Variants in RAPGEF5 observed in about 807,000 individuals in gnomAD.
RAPGEF5 encodes the protein M-Ras-regulated GEF.
In RAPGEF5, 65 loss-of-function variants were observed where a neutral mutation model predicts 125.2. That is an observed-to-expected ratio of 0.52 (90% CI 0.43 to 0.64). The LOEUF (loss-of-function observed/expected upper bound fraction) is 0.64. Ranked by LOEUF, RAPGEF5 falls within the 30% of genes least tolerant of loss-of-function variation. The probability of loss-of-function intolerance (pLI) is 0.00; values close to 1 mark genes in which losing one functional copy is unlikely to be tolerated. For synonymous variants in RAPGEF5, 391 were observed against 385.9 expected (o/e 1.01, Z -0.16); for missense variants, 958 against 1,048.1 (o/e 0.91, Z 1.19).
intron 4 of RAPGEF5, among the ~76,000 whole-genome samples, chr7:22,309,294 A>G (rs747357305): frequency 4.6e-5 from 7 of 152,196 alleles, no homozygotes; most frequent in Non-Finnish European, 8.8e-5. Flanking sequence ...ACCCACGTCC[A>G]TATCTGTACC....
intron 16 of RAPGEF5, among the ~76,000 whole-genome samples, 195 bp from the exon 17 acceptor site, chr7:22,154,799 TGC>T (rs1783753571): frequency 6.6e-6 from 1 of 152,200 alleles, no homozygotes; most frequent in Non-Finnish European, 1.5e-5. Flanking sequence ...AATGTGTGCT[TGC>T]AAACACATGA....
At chr7:22,199,785 A>G (rs368258284) in intron 9 of RAPGEF5, among the ~76,000 whole-genome samples, 2 of 152,172 alleles carry the variant, frequency 1.3e-5, no homozygotes. Flanking sequence ...ATTACTCATG[A>G]CATTCTAGAA....
chr7:22,172,622 T>G (rs1347742426), intron 11 of RAPGEF5, among the ~76,000 whole-genome samples: 1 of 152,144 alleles, frequency 6.6e-6, no homozygotes, highest in Admixed American at 6.5e-5. Flanking sequence ...GATAGAATAG[T>G]AAGAGGTTTG....
chr7:22,246,293 A>T (rs1335250734), intron 7 of RAPGEF5, among the ~76,000 whole-genome samples: 1 of 152,236 alleles, frequency 6.6e-6, no homozygotes, highest in African/African-American at 2.4e-5. Flanking sequence ...AAAGGAACAA[A>T]GCCAGAAGCC....
chr7:22,262,499 GC>G (rs1562495241), intron 7 of RAPGEF5, among the ~76,000 whole-genome samples: 1 of 152,196 alleles, frequency 6.6e-6, no homozygotes, highest in Non-Finnish European at 1.5e-5. Context: ...AAATGGCACA[GC>G]TACTGTGAAA....
At chr7:22,291,504 C>G (rs921575101) in intron 5 of RAPGEF5, among the ~76,000 whole-genome samples, 1 of 152,176 alleles carries the variant, frequency 6.6e-6, no homozygotes, top group Admixed American at 6.5e-5. Flanking sequence ...CCCCATGATA[C>G]AGCAGAATAA....
intron 8 of RAPGEF5, among the ~76,000 whole-genome samples, chr7:22,224,624 C>A (rs189853418): frequency 4.6e-5 from 7 of 152,032 alleles, no homozygotes; most frequent in African/African-American, 1.7e-4. Flanking sequence ...CCCTCCCATA[C>A]AAAAGACAGC....
At position 22,234,160 on chromosome 7, in the gene RAPGEF5, T is replaced by C. The variant is rs142219860; in HGVS notation, c.797-3241A>G. Among the ~76,000 whole-genome samples, 843 of 152,324 alleles carry C rather than the reference T, an allele frequency of 5.5e-3. 9 individuals are homozygous for C. The highest frequency in any genetic ancestry group is 0.019 in the African/African-American group (797 of 41,568). On this transcript the variant is annotated intron_variant, in intron 7 of 25. Transcript: ENST00000665637. ...ATCCTATGAAGTTGCATGCATAAAA[T>C]ATATATGGTCCCCTAAAAGGGAGAA...
chr7:22,140,510 A>C (rs555448728), intron 20 of RAPGEF5, among the ~76,000 whole-genome samples: 1 of 152,272 alleles, frequency 6.6e-6, no homozygotes, highest in East Asian at 1.9e-4. Context: ...TTTTTGACAG[A>C]CAAGCCCTTC....
intron 9 of RAPGEF5, among the ~76,000 whole-genome samples, chr7:22,210,860 C>T (rs1010125393): frequency 1.3e-5 from 2 of 152,154 alleles, no homozygotes; most frequent in South Asian, 4.2e-4. Context: ...AATTCAAAAA[C>T]CTATTCCAGT....
chr7:22,170,878 A>C (rs1784328914), intron 11 of RAPGEF5, among the ~76,000 whole-genome samples: 1 of 152,246 alleles, frequency 6.6e-6, no homozygotes, highest in African/African-American at 2.4e-5. Context: ...CTCCAGTTGA[A>C]GTCCTAATAA....
intron 23 of RAPGEF5, among the ~76,000 whole-genome samples, chr7:22,134,780 T>C (rs1297647158): frequency 6.6e-6 from 1 of 152,222 alleles, no homozygotes; most frequent in East Asian, 1.9e-4. Flanking sequence ...GCACAGACCT[T>C]CTCTTAAAAG....
chr7:22,316,476 TATATATATATATA>T lies in RAPGEF5; in HGVS notation c.283-1013_283-1001del, dbSNP rs1359236687. Among the ~76,000 whole-genome samples, 431 of 57,720 alleles carry T rather than the reference TATATATATATATA, an allele frequency of 7.5e-3. 5 individuals are homozygous for T. The highest frequency in any genetic ancestry group is 0.029 in the African/African-American group (385 of 13,246). 37.9% of individuals were successfully genotyped at this position (57,720 alleles called of 152,430 possible). A position where few individuals can be genotyped will look rare whatever the true frequency, so the allele number is the denominator to read the frequency against. On this transcript the variant is annotated intron_variant, in intron 2 of 25. Transcript: ENST00000665637. Reference sequence around the variant, plus strand: ...ATACATAGACATATATATATATATATATATATATATATATTTTTTTTTTTTTTTTTTTGAGGCA... The same window carrying T: ...ATACATAGACATATATATATATATATTTTTTTTTTTTTTTTTTTTGAGGCA...
chr7:22,325,570 T>C (rs1039919904), intron 1 of RAPGEF5, among the ~76,000 whole-genome samples: 1 of 152,082 alleles, frequency 6.6e-6, no homozygotes, highest in Non-Finnish European at 1.5e-5. Flanking sequence ...ATTATAAATA[T>C]ATGTAATTTT....
At position 22,154,105 on chromosome 7, in the gene RAPGEF5, C is replaced by CT. The variant is rs35254223; in HGVS notation, c.1786+349dup. 1.1e-4 allele frequency among the ~76,000 whole-genome samples: 16 copies of CT among 149,386 alleles called. No homozygotes were observed. The South Asian group carries it at 1.9e-3, about 18-fold the overall frequency. ...TAGGACTGGTTCAAGGCCATCTTTC[C>CT]TTTTTTTTTTCCACCCCAAAGTAAT... On this transcript the variant is annotated intron_variant, in intron 17 of 25. Coordinates refer to ENST00000665637, the MANE Select transcript of RAPGEF5 (RefSeq NM_012294.5).
chr7:22,147,016 G>A lies in RAPGEF5; in HGVS notation c.1888C>T (p.Pro630Ser), dbSNP rs920852971. The change falls in exon 19 of 26, where the codon CCA becomes TCA. Residue 630 changes from proline (P) to serine (S), a missense_variant. Coordinates refer to ENST00000665637, the MANE Select transcript of RAPGEF5 (RefSeq NM_012294.5). ...TGTGATTCCTCATTTTCTGCAAATG[G>A]GTTCTAAACCAACAGAAGCAAAAAG... is the stretch of plus-strand genomic sequence containing the variant. ...YRKDLADTLN[P>S]FAENEESQQR... 6.2e-7 allele frequency: 1 copy of A among 1,612,116 alleles called. No homozygotes were observed. The highest frequency in any genetic ancestry group is 1.3e-5 in the African/African-American group (1 of 74,796).
chr7:22,207,737 T>C (rs895139882), intron 9 of RAPGEF5, among the ~76,000 whole-genome samples: 8 of 152,212 alleles, frequency 5.3e-5, no homozygotes, highest in Admixed American at 3.3e-4. Context: ...AAGGACTATG[T>C]ATAATATACT....
At chr7:22,146,079 C>A (rs1175966210) in intron 19 of RAPGEF5, among the ~76,000 whole-genome samples, 1 of 151,978 alleles carries the variant, frequency 6.6e-6, no homozygotes, top group Non-Finnish European at 1.5e-5. Context: ...AGACACAAGT[C>A]ATTTAGTCTG....
chr7:22,160,501 GA>G lies in RAPGEF5; in HGVS notation c.1526+16del. ...GTTTTCTTTCATTAACTATAATTAG[GA>G]AAATGAAATACTTACTGACGACGGT... On this transcript the variant is annotated intron_variant, in intron 14 of 25. Coordinates refer to ENST00000665637, the MANE Select transcript of RAPGEF5 (RefSeq NM_012294.5). 1.3e-6 allele frequency: 2 copies of G among 1,534,154 alleles called. No homozygotes were observed. The highest frequency in any genetic ancestry group is 1.2e-5 in the South Asian group (1 of 80,084).
Sources: gnomAD v4.1 joint callset for allele counts (sites outside exome capture counted in the v4.1 genomes callset) on GRCh38, gnomAD v4.1.1 for gene constraint, MANE v1.5 for transcripts, NCBI Gene and HGNC (gene_info 2026-07-23, HGNC 2026-07-21) for gene names.